The following HMGCL variants were observed in gnomAD, a reference collection of about 807,000 sequenced individuals.
HMGCL encodes the protein 3-hydroxy-3-methylglutaryl-CoA lyase.
HMGCL carries 26 observed loss-of-function variants against 37.3 expected under a neutral mutation model. The observed-to-expected ratio is 0.70, with a 90% CI of 0.51 to 0.97. The LOEUF (loss-of-function observed/expected upper bound fraction) is 0.97, where lower values mean the gene tolerates loss of function less well. Among genes scored for constraint, HMGCL ranks in the 50% least tolerant of loss-of-function variants. The probability of loss-of-function intolerance (pLI) is 0.00; values close to 1 mark genes in which losing one functional copy is unlikely to be tolerated. For synonymous variants in HMGCL, 151 were observed against 148.0 expected (o/e 1.02, Z -0.15); for missense variants, 379 against 398.1 (o/e 0.95, Z 0.41).
chr1:23,825,341 G>C lies in HMGCL; in HGVS notation c.60+15C>G. The C allele has an allele frequency of 3.2e-6, 5 of 1,551,448 alleles. No individual in the cohort carries two copies. Among genetic ancestry groups the C allele is most frequent in the Non-Finnish European group, 4.4e-6 (5 of 1,147,086 alleles). On this transcript the variant is annotated intron_variant, in intron 1 of 8. Transcript: ENST00000374490. ...TGCCTGCAGGGCCGCCGCCTCGGCG[G>C]CTCGGGGCACTTACAGCCCGGAGGG...
chr1:23,813,969 A>C, intron 5 of HMGCL: 1 of 580,990 alleles, frequency 1.7e-6, no homozygotes, highest in Admixed American at 2.7e-5. Flanking sequence ...GGCGCATGCT[A>C]TCATGGCTAG....
At chr1:23,816,443 C>G (rs1557491733) in intron 4 of HMGCL, 1 of 587,128 alleles carries the variant, frequency 1.7e-6, no homozygotes, top group Non-Finnish European at 3.1e-6. Context: ...ATCCTATCTT[C>G]TGAAATGCTC....
intron 7 of HMGCL, among the ~76,000 whole-genome samples, chr1:23,805,915 G>C (rs1335060588): frequency 6.6e-6 from 1 of 151,024 alleles, no homozygotes; most frequent in Non-Finnish European, 1.5e-5. Context: ...TCTCTCTACA[G>C]TGTATTCTCT....
intron 1 of HMGCL, among the ~76,000 whole-genome samples, chr1:23,824,127 T>C (rs1265768716): frequency 6.6e-6 from 1 of 152,192 alleles, no homozygotes; most frequent in Non-Finnish European, 1.5e-5. Flanking sequence ...ACACAAGTAC[T>C]GTGCCACAGT....
chr1:23,816,827 T>G, intron 3 of HMGCL, 57 bp from the exon 4 acceptor site: 2 of 1,070,808 alleles, frequency 1.9e-6, no homozygotes, highest in Non-Finnish European at 2.9e-6. Context: ...GAGAGTTCAG[T>G]TAGAGAAAAC....
intron 1 of HMGCL, among the ~76,000 whole-genome samples, chr1:23,824,113 AACCAC>A (rs1456848184): frequency 6.6e-6 from 1 of 152,178 alleles, no homozygotes; most frequent in Non-Finnish European, 1.5e-5. Flanking sequence ...GGGTCCCCCT[AACCAC>A]ACAAGTACTG....
intron 5 of HMGCL, among the ~76,000 whole-genome samples, chr1:23,812,006 G>A (rs1470236608): frequency 9.2e-5 from 14 of 152,180 alleles, no homozygotes. Context: ...CACAGATCTG[G>A]GAGTTGGGCC....
intron 6 of HMGCL, among the ~76,000 whole-genome samples, chr1:23,808,786 C>T (rs956962301): frequency 1.3e-4 from 18 of 137,422 alleles, no homozygotes; most frequent in South Asian, 2.3e-4. Flanking sequence ...CTCTGTCATT[C>T]GGCTAGAGTG....
In HMGCL at chr1:23,806,305, C is replaced by G. The variant is rs138733080; in HGVS notation, c.751-1780G>C. 1.4e-3 allele frequency among the ~76,000 whole-genome samples: 208 copies of G among 152,238 alleles called. No individual in the cohort carries two copies. The highest frequency in any genetic ancestry group is 4.8e-3 in the African/African-American group (198 of 41,544). ...GATCATCTCCCTCCCCGCCCCTGCT[C>G]AAGACTCTCTGTTAGCTTCCCAGCT... On this transcript the variant is annotated intron_variant, in intron 7 of 8. Transcript: ENST00000374490. The surrounding 1 kb of genome is among the most constrained non-coding windows in gnomAD (Gnocchi z 4.0).
chr1:23,802,410 T>A lies in HMGCL; in HGVS notation c.*53A>T. On this transcript the variant is annotated 3_prime_UTR_variant, in exon 9 of 9. Coordinates refer to ENST00000374490, the MANE Select transcript of HMGCL (RefSeq NM_000191.3). ...TCCATGTCCCCATCCATGAATCATC[T>A]GTGTGTGCCCCTATTTCCACATCAT... 9.5e-7 allele frequency: 1 copy of A among 1,049,356 alleles called. No individual in the cohort carries two copies. Among genetic ancestry groups the A allele is most frequent in the Non-Finnish European group, 1.5e-6 (1 of 663,992 alleles). 65.0% of individuals were successfully genotyped at this position (1,049,356 alleles called of 1,614,324 possible). A position where few individuals can be genotyped will look rare whatever the true frequency, so the allele number is the denominator to read the frequency against.
intron 6 of HMGCL, 44 bp downstream of exon 6, chr1:23,810,692 T>C: frequency 6.4e-7 from 1 of 1,570,696 alleles, no homozygotes; most frequent in South Asian, 1.1e-5. Flanking sequence ...GCAGACAAGG[T>C]GGCCAACCCT....
At chr1:23,808,379 T>C (rs2148419239) in intron 6 of HMGCL, 56 bp from the exon 7 acceptor site, 2 of 1,474,036 alleles carry the variant, frequency 1.4e-6, no homozygotes, top group Non-Finnish European at 9.5e-7. Flanking sequence ...AGGGGATCCA[T>C]GCACTCAGAA....
chr1:23,816,983 T>C (rs1638624875), intron 3 of HMGCL, among the ~76,000 whole-genome samples: 1 of 152,196 alleles, frequency 6.6e-6, no homozygotes, highest in African/African-American at 2.4e-5. Flanking sequence ...AATTTCTCCA[T>C]ATGGCCCATA....
intron 4 of HMGCL, 158 bp downstream of exon 4, chr1:23,816,517 G>A: frequency 1.3e-6 from 1 of 748,972 alleles, no homozygotes; most frequent in Non-Finnish European, 2.4e-6. Flanking sequence ...AGATCACAGA[G>A]CAGTGAGTGG....
At chr1:23,805,932 C>A (rs1638400735) in intron 7 of HMGCL, among the ~76,000 whole-genome samples, 1 of 152,026 alleles carries the variant, frequency 6.6e-6, no homozygotes, top group African/African-American at 2.4e-5. Flanking sequence ...CTCTACACAG[C>A]ACCCAGAGGA....
intron 5 of HMGCL, among the ~76,000 whole-genome samples, chr1:23,811,922 T>C (rs1220976043): frequency 2.0e-5 from 3 of 152,256 alleles, no homozygotes; most frequent in Admixed American, 1.3e-4. Context: ...CAGTGTACTT[T>C]TCCATTTTGA....
In HMGCL at chr1:23,820,501, C is replaced by G; in HGVS notation, c.144+9G>C. On this transcript the variant is annotated intron_variant, in intron 2 of 8. Transcript: ENST00000374490. ...AAAAACTGTTTTTTTGGCTCATTTC[C>G]AACTTTACCTTTTCATTTTGTAGTC... The G allele has an allele frequency of 6.2e-7, 1 of 1,609,130 alleles. No homozygotes were observed. The highest frequency in any genetic ancestry group is 8.5e-7 in the Non-Finnish European group (1 of 1,175,448).
rs367821441 is a variant in HMGCL at position 23,822,918 on chromosome 1, G to A, written c.61-2325C>T. On this transcript the variant is annotated intron_variant, in intron 1 of 8. Transcript: ENST00000374490. ...AGGCCAAGCGTGGTGGCTCACGCCT[G>A]TAATCCCAGCACTTTGGGAGGCCGA... 3.3e-4 allele frequency among the ~76,000 whole-genome samples: 50 copies of A among 152,270 alleles called. No homozygotes were observed. In the East Asian group the frequency reaches 6.9e-3, roughly 21 times the overall value.
intron 7 of HMGCL, among the ~76,000 whole-genome samples, chr1:23,805,655 G>A (rs940324887): frequency 1.3e-5 from 2 of 151,760 alleles, no homozygotes; most frequent in Non-Finnish European, 2.9e-5. Flanking sequence ...CTGAGGCCTC[G>A]ATCCAGTCTT....
Sources: gnomAD v4.1 joint callset for allele counts (sites outside exome capture counted in the v4.1 genomes callset) on GRCh38, gnomAD v4.1.1 for gene constraint, Gnocchi (gnomAD v3.1) non-coding constraint, MANE v1.5 for transcripts, NCBI Gene and HGNC (gene_info 2026-07-23, HGNC 2026-07-21) for gene names.